SP100: variants seen among roughly 807,000 people sequenced by gnomAD.
The protein encoded by SP100 is SP100 nuclear body protein.
In SP100, 84 loss-of-function variants were observed where a neutral mutation model predicts 130.0. The ratio of observed to expected loss-of-function variants is 0.65; its 90% CI spans 0.54 to 0.77. The LOEUF is 0.77. Among genes scored for constraint, SP100 ranks in the 30% least tolerant of loss-of-function variants. The pLI is 0.00. For missense variants in SP100, 978 were observed against 1,052.2 expected (o/e 0.93, Z 0.97); for synonymous variants, 331 against 351.7 (o/e 0.94, Z 0.66).
intron 13 of SP100, among the ~76,000 whole-genome samples, chr2:230,467,579 T>C (rs1622822): frequency 0.87 from 132,121 of 152,234 alleles, 58,083 homozygotes; most frequent in African/African-American, 0.96. Context: ...TCTCACATGG[T>C]GGCAGACAAG....
At chr2:230,427,801 A>G (rs1320265485) in intron 2 of SP100, among the ~76,000 whole-genome samples, 1 of 152,214 alleles carries the variant, frequency 6.6e-6, no homozygotes, top group African/African-American at 2.4e-5. Flanking sequence ...CAACAACTTC[A>G]AACACATACA....
At chr2:230,482,935 T>C (rs551743748) in intron 17 of SP100, among the ~76,000 whole-genome samples, 2 of 152,334 alleles carry the variant, frequency 1.3e-5, no homozygotes, top group South Asian at 4.1e-4. Flanking sequence ...CCCTGTTGAA[T>C]TTTTATTGAA....
At chr2:230,437,106 A>AT (rs2063318500) in intron 2 of SP100, among the ~76,000 whole-genome samples, 1 of 152,122 alleles carries the variant, frequency 6.6e-6, no homozygotes, top group South Asian at 2.1e-4. Context: ...ACATTTGCTG[A>AT]TTTTAGAGAC....
chr2:230,446,686 G>A, intron 4 of SP100, 133 bp from the exon 5 acceptor site: 2 of 593,434 alleles, frequency 3.4e-6, no homozygotes, highest in South Asian at 2.1e-5. Context: ...GATGACGGGA[G>A]AACTTTAGGT....
intron 1 of SP100, 110 bp from the exon 2 acceptor site, chr2:230,417,481 T>G (rs1165639567): frequency 8.0e-6 from 11 of 1,378,122 alleles, no homozygotes; most frequent in Non-Finnish European, 1.1e-5. Context: ...TATTTCTTTT[T>G]GGGTTTTTAC....
intron 10 of SP100, among the ~76,000 whole-genome samples, chr2:230,463,312 A>G (rs1003559479): frequency 1.3e-5 from 2 of 152,194 alleles, no homozygotes; most frequent in Non-Finnish European, 2.9e-5. Flanking sequence ...TCTCAATCCT[A>G]TTTGCAGCAT....
chr2:230,475,446 T>C (rs10175460), intron 17 of SP100, among the ~76,000 whole-genome samples: 12,710 of 152,262 alleles, frequency 0.083, 613 homozygotes, highest in Middle Eastern at 0.16. Flanking sequence ...AGACCTTCGT[T>C]ATATGCACAG....
rs1280007710 is a variant in SP100, at chr2:230,417,584, T to C, written c.33-7T>C. 1.2e-6 allele frequency: 2 copies of C among 1,610,202 alleles called. No homozygotes were observed. Among genetic ancestry groups the C allele is most frequent in the Non-Finnish European group, 1.7e-6 (2 of 1,178,868 alleles). On this transcript the variant is annotated splice_polypyrimidine_tract_variant and splice_region_variant and intron_variant, in intron 1 of 28. Coordinates refer to ENST00000340126, the MANE Select transcript of SP100 (RefSeq NM_001080391.2). Reference sequence around the variant, plus strand: ...ATTTACTTGGTCCTGCCAAATTGTCTTTCTAGGAGGCTGAATGAATGTATT... The same window carrying C: ...ATTTACTTGGTCCTGCCAAATTGTCCTTCTAGGAGGCTGAATGAATGTATT...
At position 230,467,155 on chromosome 2, in the gene SP100, G is replaced by T. The variant is rs907751195; in HGVS notation, c.1231G>T (p.Glu411Ter). ...AGACCACGACTTTTCAGAATCCAGT[G>T]AGGAGGAGGCGCCCGCAGAAGCCTC... ...GQDHDFSESS[E>*]EEAPAEASSG... Residue 411 changes from glutamate (E) to a stop codon, truncating the protein, a stop_gained, in exon 13 of 29, where the codon GAG becomes TAG. Coordinates refer to ENST00000340126, the MANE Select transcript of SP100 (RefSeq NM_001080391.2). LOFTEE classifies it high-confidence loss of function. 2.5e-6 allele frequency: 4 copies of T among 1,613,716 alleles called. No individual in the cohort carries two copies. The highest frequency in any genetic ancestry group is 3.4e-6 in the Non-Finnish European group (4 of 1,179,644).
At chr2:230,426,149 G>T (rs1208350847) in intron 2 of SP100, among the ~76,000 whole-genome samples, 5 of 151,882 alleles carry the variant, frequency 3.3e-5, no homozygotes, top group Admixed American at 3.3e-4. Flanking sequence ...TTTTAACTTG[G>T]TTAGTTTAGT....
At chr2:230,519,221 G>T (rs933125902) in intron 24 of SP100, among the ~76,000 whole-genome samples, 24 of 152,304 alleles carry the variant, frequency 1.6e-4, no homozygotes, top group Non-Finnish European at 2.1e-4. Flanking sequence ...GGTATTGTCT[G>T]ATATTGGATA....
rs1401261464 is a variant in SP100 at position 230,545,585 on chromosome 2, A to T, written c.*2639A>T. 2.0e-5 allele frequency among the ~76,000 whole-genome samples: 3 copies of T among 152,182 alleles called. No homozygotes were observed. Among genetic ancestry groups the T allele is most frequent in the East Asian group, 3.9e-4 (2 of 5,188 alleles). ...TTTAATTGTAAATAAATGGATCATT[A>T]AAAAAAATTTTAATAATAAAATTGT... On this transcript the variant is annotated 3_prime_UTR_variant, in exon 29 of 29. Transcript: ENST00000340126.
At chr2:230,535,303 T>C (rs1170145327) in intron 24 of SP100, among the ~76,000 whole-genome samples, 1 of 152,192 alleles carries the variant, frequency 6.6e-6, no homozygotes, top group Non-Finnish European at 1.5e-5. Flanking sequence ...TTGGAGGTTG[T>C]TTCATTAGAT....
chr2:230,471,489 G>T (rs997082988), intron 15 of SP100, among the ~76,000 whole-genome samples: 1 of 152,192 alleles, frequency 6.6e-6, no homozygotes, highest in African/African-American at 2.4e-5. Context: ...CACAAAGAGA[G>T]TCAGAAGAGA....
intron 2 of SP100, among the ~76,000 whole-genome samples, chr2:230,441,515 G>A (rs1364046822): frequency 6.6e-6 from 1 of 152,128 alleles, no homozygotes; most frequent in Non-Finnish European, 1.5e-5. Context: ...AACTGAATAA[G>A]CAGATTGTGG....
intron 17 of SP100, among the ~76,000 whole-genome samples, chr2:230,483,721 G>C (rs1300739311): frequency 6.6e-6 from 1 of 152,152 alleles, no homozygotes; most frequent in East Asian, 1.9e-4. Context: ...TGAAAATGCA[G>C]ATACGTGTGG....
At position 230,498,526 on chromosome 2, in the gene SP100, C is replaced by T; in HGVS notation, c.1711C>T (p.Gln571Ter). Residue 571 changes from glutamine (Q) to a stop codon, truncating the protein, a stop_gained, in exon 19 of 29, where the codon CAA becomes TAA. Coordinates refer to ENST00000340126, the MANE Select transcript of SP100 (RefSeq NM_001080391.2). LOFTEE classifies it high-confidence loss of function. ...TAACAAAGTCCAAAAGAAAAGATGG[C>T]AACAAAGAGGTAAAAAAAAAAAAAT... ...LNNKVQKKRWQQRGRKANTRP... is the reference protein window; with the variant it reads ...LNNKVQKKRW 7.0e-7 allele frequency: 1 copy of T among 1,422,930 alleles called. No homozygotes were observed. The highest frequency in any genetic ancestry group is 2.6e-5 in the East Asian group (1 of 38,156). The allele number at this position is 1,422,930 out of a possible 1,614,324, so 88.1% of individuals were successfully genotyped here. A position where few individuals can be genotyped will look rare whatever the true frequency, so the allele number is the denominator to read the frequency against.
At chr2:230,488,009 T>C (rs2066196304) in intron 17 of SP100, among the ~76,000 whole-genome samples, 1 of 152,192 alleles carries the variant, frequency 6.6e-6, no homozygotes, top group African/African-American at 2.4e-5. Flanking sequence ...TGTAAAGGAA[T>C]GCTTGTGATT....
intron 17 of SP100, among the ~76,000 whole-genome samples, chr2:230,488,544 G>T (rs2066233201): frequency 6.6e-6 from 1 of 152,104 alleles, no homozygotes; most frequent in African/African-American, 2.4e-5. Context: ...CTCCCAAGTA[G>T]CTGGGACTAC....
Sources: gnomAD v4.1 joint callset for allele counts (sites outside exome capture counted in the v4.1 genomes callset) on GRCh38, gnomAD v4.1.1 for gene constraint, MANE v1.5 for transcripts, NCBI Gene and HGNC (gene_info 2026-07-23, HGNC 2026-07-21) for gene names.